The following KIAA1958 variants were observed in gnomAD, a reference collection of about 807,000 sequenced individuals.
The protein encoded by KIAA1958 is KIAA1958, also known as uncharacterized protein KIAA1958.
A neutral mutation model predicts 47.2 loss-of-function variants in KIAA1958; 14 were observed. The ratio of observed to expected loss-of-function variants is 0.30; its 90% CI spans 0.20 to 0.46. The LOEUF is 0.46. Among genes scored for constraint, KIAA1958 ranks in the 20% least tolerant of loss-of-function variants. The pLI is 1.00. For synonymous variants in KIAA1958, 354 were observed against 353.3 expected, an observed-to-expected ratio of 1.00 and a Z score of -0.02; for missense variants, 803 against 909.2, an observed-to-expected ratio of 0.88 and a Z score of 1.50.
intron 1 of KIAA1958, among the ~76,000 whole-genome samples, chr9:112,524,810 G>C (rs1364550148): frequency 6.6e-6 from 1 of 152,176 alleles, no homozygotes; most frequent in East Asian, 1.9e-4. Context: ...AATGACCCTA[G>C]TGCAGCCCTG....
intron 1 of KIAA1958, among the ~76,000 whole-genome samples, chr9:112,525,721 T>C (rs1387700683): frequency 6.6e-6 from 1 of 152,020 alleles, no homozygotes; most frequent in Non-Finnish European, 1.5e-5. Context: ...TTACTTTCTC[T>C]GAATGAGAAA....
At chr9:112,554,119 A>T (rs10817357) in intron 1 of KIAA1958, among the ~76,000 whole-genome samples, 3 of 151,904 alleles carry the variant, frequency 2.0e-5, no homozygotes, top group Non-Finnish European at 4.4e-5. Flanking sequence ...TTTTGATTCT[A>T]TGTCTCAGCA....
At chr9:112,597,655 A>G (rs1836055299) in intron 2 of KIAA1958, among the ~76,000 whole-genome samples, 1 of 152,214 alleles carries the variant, frequency 6.6e-6, no homozygotes, top group Admixed American at 6.5e-5. Flanking sequence ...TTAGATGGAA[A>G]TCAGAGTGTT....
At position 112,660,102 on chromosome 9, in the gene KIAA1958, C is replaced by A. The variant is rs768430720; in HGVS notation, c.*33C>A. On this transcript the variant is annotated 3_prime_UTR_variant, in exon 4 of 4. Transcript: ENST00000337530. The stretch of plus-strand genomic sequence containing the variant: ...CTGGGGCCCGGCCACTGCCCTGTCA[C>A]CTGCTCGGGCCAGCCAGGGTTGGAG... The A allele has an allele frequency of 3.2e-6, 5 of 1,581,142 alleles. No individual in the cohort carries two copies. Among genetic ancestry groups the A allele is most frequent in the South Asian group, 2.3e-5 (2 of 88,034 alleles).
chr9:112,550,774 A>G (rs181975741), intron 1 of KIAA1958, among the ~76,000 whole-genome samples: 15 of 152,288 alleles, frequency 9.8e-5, no homozygotes, highest in Non-Finnish European at 1.9e-4. Flanking sequence ...TTTGTCAGTC[A>G]TGTAAACTTG....
chr9:112,563,718 C>G (rs1835376448), intron 1 of KIAA1958, among the ~76,000 whole-genome samples: 2 of 151,906 alleles, frequency 1.3e-5, no homozygotes, highest in South Asian at 4.2e-4. Flanking sequence ...TTTCTCCTCC[C>G]TCCTCACCCC....
chr9:112,561,471 T>C (rs1371600697), intron 1 of KIAA1958, among the ~76,000 whole-genome samples: 1 of 152,188 alleles, frequency 6.6e-6, no homozygotes, highest in African/African-American at 2.4e-5. Flanking sequence ...TGACTGTTAT[T>C]AATGGCAGTA....
At chr9:112,568,174 A>G (rs1193824016) in intron 1 of KIAA1958, among the ~76,000 whole-genome samples, 1 of 152,174 alleles carries the variant, frequency 6.6e-6, no homozygotes, top group Admixed American at 6.5e-5. Context: ...TGACAGTTTC[A>G]TGGGTATAAC....
intron 1 of KIAA1958, among the ~76,000 whole-genome samples, chr9:112,543,655 C>T (rs1297929831): frequency 1.3e-5 from 2 of 151,624 alleles, no homozygotes; most frequent in South Asian, 2.1e-4. Context: ...TCACCTCAAC[C>T]TCCACCTCCC....
At chr9:112,498,818 A>T (rs1018371637) in intron 1 of KIAA1958, among the ~76,000 whole-genome samples, 1 of 152,166 alleles carries the variant, frequency 6.6e-6, no homozygotes, top group African/African-American at 2.4e-5. Flanking sequence ...TATTCATCCT[A>T]CAGTACTGCA....
chr9:112,644,287 G>A (rs1021699878), intron 2 of KIAA1958, among the ~76,000 whole-genome samples: 6 of 152,144 alleles, frequency 3.9e-5, no homozygotes, highest in Non-Finnish European at 5.9e-5. Context: ...TCCTGGGGAC[G>A]GTAAGAGACT....
chr9:112,641,380 C>T (rs1259627398), intron 2 of KIAA1958, among the ~76,000 whole-genome samples: 15 of 67,252 alleles, frequency 2.2e-4, no homozygotes, highest in Admixed American at 3.4e-4. Flanking sequence ...AAATCTGATT[C>T]TTCTCGCTAT....
chr9:112,527,420 A>G (rs1834677027), intron 1 of KIAA1958, among the ~76,000 whole-genome samples: 1 of 152,210 alleles, frequency 6.6e-6, no homozygotes, highest in Non-Finnish European at 1.5e-5. Context: ...AAGAAAAGCA[A>G]CGTGGCTGGA....
intron 1 of KIAA1958, among the ~76,000 whole-genome samples, chr9:112,547,895 G>A (rs1245976037): frequency 6.6e-6 from 1 of 151,922 alleles, no homozygotes; most frequent in South Asian, 2.1e-4. Context: ...AAAACCTTGG[G>A]CTTCAGGACC....
chr9:112,523,810 T>G (rs1325921853), intron 1 of KIAA1958, among the ~76,000 whole-genome samples: 1 of 152,184 alleles, frequency 6.6e-6, no homozygotes, highest in Non-Finnish European at 1.5e-5. Context: ...GGTTTGTAGG[T>G]GATGAAGCAC....
intron 1 of KIAA1958, among the ~76,000 whole-genome samples, chr9:112,514,541 T>A (rs1304148009): frequency 2.0e-4 from 1 of 5,020 alleles, no homozygotes; most frequent in Non-Finnish European, 3.2e-4. Flanking sequence ...GAGGAGCCCC[T>A]CAGCCCGGCC....
intron 1 of KIAA1958, among the ~76,000 whole-genome samples, chr9:112,538,317 A>C (rs1373815534): frequency 1.3e-5 from 2 of 151,998 alleles, no homozygotes; most frequent in African/African-American, 4.8e-5. Context: ...GTGCCGCTGT[A>C]CTCCAGCTTG....
chr9:112,580,764 G>T (rs1397521767), intron 2 of KIAA1958, among the ~76,000 whole-genome samples: 1 of 148,678 alleles, frequency 6.7e-6, no homozygotes, highest in East Asian at 2.0e-4. Context: ...TCCAGCCTGG[G>T]CTCCAGAGCG....
At position 112,613,464 on chromosome 9, in the gene KIAA1958, A is replaced by C. The variant is rs189480100; in HGVS notation, c.1172-32186A>C. 7.9e-5 allele frequency among the ~76,000 whole-genome samples: 12 copies of C among 152,326 alleles called. No individual in the cohort carries two copies. In the East Asian group the frequency reaches 2.3e-3, roughly 29 times the overall value. ...CTTCAACAGGAGGCAAAAAGCATGA[A>C]TCATAAGGGAAATAAATTGATAAAT... On this transcript the variant is annotated intron_variant, in intron 2 of 3. Transcript: ENST00000337530.
Sources: allele counts gnomAD v4.1 joint callset (sites outside exome capture counted in the v4.1 genomes callset), GRCh38; gene constraint gnomAD v4.1.1; transcripts MANE v1.5; gene names NCBI Gene and HGNC (gene_info 2026-07-23, HGNC 2026-07-21).